CALN1: variants seen among roughly 807,000 people sequenced by gnomAD.
CALN1 encodes the protein calneuron 1.
A neutral mutation model predicts 30.6 loss-of-function variants in CALN1; 17 were observed. The observed-to-expected ratio is 0.56, with a 90% confidence interval of 0.38 to 0.83. The LOEUF (loss-of-function observed/expected upper bound fraction) is 0.83. CALN1 is among the 40% of genes least tolerant of loss of function. The probability of loss-of-function intolerance (pLI) is 0.00; values close to 1 mark genes in which losing one functional copy is unlikely to be tolerated. For synonymous variants in CALN1, 156 were observed against 131.4 expected (o/e 1.19, Z -1.28); for missense variants, 291 against 354.9 (o/e 0.82, Z 1.45).
At chr7:72,443,758 T>G (rs1808433935) in intron 1 of CALN1, among the ~76,000 whole-genome samples, 1 of 151,870 alleles carries the variant, frequency 6.6e-6, no homozygotes. Flanking sequence ...CAATCTCACG[T>G]GGGTTCCTCC....
intron 5 of CALN1, among the ~76,000 whole-genome samples, chr7:72,022,575 G>A (rs560562661): frequency 2.0e-5 from 3 of 152,156 alleles, no homozygotes; most frequent in African/African-American, 7.2e-5. Context: ...AAAATTGTTT[G>A]CAGAGACGGG....
At chr7:72,149,779 G>C (rs1787076538) in intron 3 of CALN1, among the ~76,000 whole-genome samples, 2 of 151,978 alleles carry the variant, frequency 1.3e-5, no homozygotes, top group African/African-American at 4.8e-5. Flanking sequence ...TCTTGCACAT[G>C]GGCAGAAAGG....
chr7:72,310,702 G>A (rs773932811), intron 2 of CALN1, among the ~76,000 whole-genome samples: 22 of 151,824 alleles, frequency 1.4e-4, no homozygotes, highest in Non-Finnish European at 2.1e-4. Flanking sequence ...CCGGGAGTTC[G>A]AGACCAGCCT....
At chr7:71,952,582 A>G (rs1261253760) in intron 5 of CALN1, among the ~76,000 whole-genome samples, 2 of 152,138 alleles carry the variant, frequency 1.3e-5, no homozygotes, top group African/African-American at 4.8e-5. Context: ...CAATCTCTGC[A>G]TCACTTCCGT....
chr7:71,982,561 T>G (rs903249993), intron 5 of CALN1, among the ~76,000 whole-genome samples: 1 of 152,082 alleles, frequency 6.6e-6, no homozygotes, highest in African/African-American at 2.4e-5. Context: ...GCCATTGCAC[T>G]CCAGCCTGGG....
At chr7:71,932,418 C>T (rs1795600305) in intron 5 of CALN1, among the ~76,000 whole-genome samples, 2 of 152,036 alleles carry the variant, frequency 1.3e-5, no homozygotes, top group Admixed American at 6.6e-5. Flanking sequence ...CCTCCTGCCT[C>T]GGCCTCCCAA....
chr7:71,784,768 C>T lies in CALN1; in HGVS notation c.*3007G>A. 1 of 398,624 alleles carries T rather than the reference C, an allele frequency of 2.5e-6. No homozygotes were observed. 24.7% of individuals were successfully genotyped at this position (398,624 alleles called of 1,614,324 possible). A position where few individuals can be genotyped will look rare whatever the true frequency, so the allele number is the denominator to read the frequency against. On this transcript the variant is annotated 3_prime_UTR_variant, in exon 7 of 7. Transcript: ENST00000395275. The stretch of plus-strand genomic sequence containing the variant: ...TCCGGAGGACAGAATGAGGGGTGAG[C>T]TATTCCCTCTCAATTCCTGCGGAAG...
At chr7:72,465,841 T>C in the CALN1 span, among the ~76,000 whole-genome samples, 1 of 152,138 alleles carries the variant, frequency 6.6e-6, no homozygotes, top group Admixed American at 6.5e-5. Flanking sequence ...ATCCCCACCC[T>C]TCTCTCTTCA....
chr7:72,293,615 G>A (rs966188529), intron 2 of CALN1, among the ~76,000 whole-genome samples: 22 of 152,080 alleles, frequency 1.4e-4, no homozygotes, highest in African/African-American at 4.1e-4. Flanking sequence ...AGATAAATCC[G>A]TAAGAAAGCA....
At chr7:72,387,347 G>GGTAA (rs1805293906) in intron 2 of CALN1, among the ~76,000 whole-genome samples, 1 of 146,040 alleles carries the variant, frequency 6.8e-6, no homozygotes, top group Admixed American at 7.1e-5. Flanking sequence ...ATAATTTATA[G>GGTAA]GTAATCTGCT....
intron 2 of CALN1, among the ~76,000 whole-genome samples, chr7:72,395,202 T>C (rs1207014319): frequency 6.6e-6 from 1 of 152,144 alleles, no homozygotes; most frequent in Non-Finnish European, 1.5e-5. Context: ...CTTGAATAAA[T>C]AAGGGTGTGA....
chr7:71,983,302 C>T lies in CALN1; in HGVS notation c.501+40355G>A, dbSNP rs963882041. On this transcript the variant is annotated intron_variant, in intron 5 of 6. Transcript: ENST00000395275. ...ATGAACCTCAGGTATTTACCTCGGA[C>T]AATGATGCCAATTCAGAAGGAAACA... is the stretch of plus-strand genomic sequence containing the variant. 2.0e-5 allele frequency among the ~76,000 whole-genome samples: 3 copies of T among 152,250 alleles called. No homozygotes were observed. The South Asian group carries it at 6.2e-4, about 32-fold the overall frequency.
intron 5 of CALN1, among the ~76,000 whole-genome samples, chr7:71,994,628 G>T (rs1333835404): frequency 6.6e-6 from 1 of 151,744 alleles, no homozygotes; most frequent in African/African-American, 2.4e-5. Context: ...CAACACACCA[G>T]AGTGAGGTTA....
intron 5 of CALN1, among the ~76,000 whole-genome samples, chr7:71,853,773 T>C (rs1790783339): frequency 6.6e-6 from 1 of 152,106 alleles, no homozygotes; most frequent in African/African-American, 2.4e-5. Context: ...AGAGACGGGG[T>C]TTCACCATGT....
chr7:72,023,889 T>A, intron 4 of CALN1, 120 bp from the exon 5 acceptor site: 1 of 623,512 alleles, frequency 1.6e-6, no homozygotes, highest in Non-Finnish European at 2.8e-6. Context: ...GAAGAAGAGC[T>A]GGTAACATTA....
At chr7:72,132,079 A>G (rs2129542881) in intron 3 of CALN1, among the ~76,000 whole-genome samples, 1 of 147,400 alleles carries the variant, frequency 6.8e-6, no homozygotes, top group African/African-American at 2.5e-5. Context: ...CAAATAACTC[A>G]ATCTACACAA....
chr7:72,203,634 G>C (rs1462352335), intron 3 of CALN1, among the ~76,000 whole-genome samples: 2 of 152,036 alleles, frequency 1.3e-5, no homozygotes, highest in Non-Finnish European at 2.9e-5. Context: ...AACAATCCCT[G>C]GTGCTTCTCT....
chr7:71,953,324 C>T (rs545659017), intron 5 of CALN1, among the ~76,000 whole-genome samples: 5 of 152,236 alleles, frequency 3.3e-5, no homozygotes, highest in African/African-American at 7.2e-5. Context: ...TGTTCTTCAT[C>T]TTAATATTTT....
intron 5 of CALN1, among the ~76,000 whole-genome samples, chr7:71,950,981 T>C (rs1257703712): frequency 2.2e-4 from 33 of 152,210 alleles, no homozygotes. Context: ...CATTCCTGAA[T>C]AGGCCCCCGT....
Sources: gnomAD v4.1 joint callset for allele counts (sites outside exome capture counted in the v4.1 genomes callset) on GRCh38, gnomAD v4.1.1 for gene constraint, MANE v1.5 for transcripts, NCBI Gene and HGNC (gene_info 2026-07-23, HGNC 2026-07-21) for gene names.